The following NNT variants were observed in gnomAD, a reference collection of about 807,000 sequenced individuals.
NNT encodes nicotinamide nucleotide transhydrogenase.
A neutral mutation model predicts 104.8 loss-of-function variants in NNT; 50 were observed. The observed-to-expected ratio is 0.48, with a 90% CI of 0.38 to 0.60. The LOEUF (loss-of-function observed/expected upper bound fraction) is 0.60. Ranked by LOEUF, NNT falls within the 20% of genes least tolerant of loss-of-function variation. The pLI, the probability that NNT is intolerant of heterozygous loss-of-function variation, is 0.00. For synonymous variants in NNT, 461 were observed against 490.4 expected (o/e 0.94, Z 0.79); for missense variants, 1,131 against 1,330.7 (o/e 0.85, Z 2.33).
At position 43,644,785 on chromosome 5, in the gene NNT, G is replaced by A; in HGVS notation, c.1273G>A (p.Gly425Arg). The A allele has an allele frequency of 6.2e-7, 1 of 1,613,362 alleles. No homozygotes were observed. Among genetic ancestry groups the A allele is most frequent in the Non-Finnish European group, 8.5e-7 (1 of 1,179,442 alleles). Residue 425 changes from glycine to arginine, a missense_variant, in exon 9 of 22, where the codon GGA becomes AGA. Coordinates refer to ENST00000344920, the MANE Select transcript of NNT (RefSeq NM_182977.3). ...TGGTACGATGGGTCATGTCATTAGA[G>A]GAACTGTAGTGATGAAAGTAAGTAA... Reference protein sequence around the residue: ...DFGTMGHVIRGTVVMKDGKVI... With the variant: ...DFGTMGHVIRRTVVMKDGKVI...
intron 1 of NNT, among the ~76,000 whole-genome samples, chr5:43,603,937 A>G (rs1417077298): frequency 1.3e-5 from 2 of 152,158 alleles, no homozygotes; most frequent in Non-Finnish European, 2.9e-5. Flanking sequence ...GGGCAGAGCT[A>G]GTTCAAACTC....
intron 8 of NNT, 130 bp downstream of exon 8, chr5:43,644,455 G>A: frequency 8.0e-7 from 1 of 1,249,218 alleles, no homozygotes; most frequent in Non-Finnish European, 1.1e-6. Flanking sequence ...CATATTTAAA[G>A]CTCCTGTTGA....
chr5:43,605,464 C>T (rs1307392653), intron 1 of NNT, among the ~76,000 whole-genome samples: 4 of 126,830 alleles, frequency 3.2e-5, no homozygotes, highest in Admixed American at 9.9e-5. Flanking sequence ...TGCAGTGAGC[C>T]GAGATTGCGC....
At chr5:43,629,516 T>C (rs563724592) in intron 7 of NNT, among the ~76,000 whole-genome samples, 2 of 152,330 alleles carry the variant, frequency 1.3e-5, no homozygotes, top group South Asian at 2.1e-4. Context: ...CTGAATCAAA[T>C]GGTAGTTCTA....
At chr5:43,636,290 A>G (rs939558577) in intron 7 of NNT, among the ~76,000 whole-genome samples, 9 of 152,180 alleles carry the variant, frequency 5.9e-5, no homozygotes, top group African/African-American at 2.2e-4. Context: ...GACTTTTGCA[A>G]TAAAAGTCCA....
At chr5:43,690,114 C>T (rs1423869165) in intron 19 of NNT, among the ~76,000 whole-genome samples, 2 of 152,012 alleles carry the variant, frequency 1.3e-5, no homozygotes, top group Admixed American at 1.3e-4. Flanking sequence ...TCGAGGAAAA[C>T]CCCCCTGGCC....
At chr5:43,625,861 T>A (rs1419301813) in intron 6 of NNT, among the ~76,000 whole-genome samples, 1 of 151,800 alleles carries the variant, frequency 6.6e-6, no homozygotes, top group African/African-American at 2.4e-5. Context: ...TCTCACTGCC[T>A]AGAGATTTTT....
intron 4 of NNT, 91 bp from the exon 5 acceptor site, chr5:43,618,941 C>A: frequency 1.4e-6 from 1 of 728,164 alleles, no homozygotes; most frequent in Non-Finnish European, 2.0e-6. Flanking sequence ...TATTCTTTGA[C>A]AAAACTTCAT....
At chr5:43,616,617 T>C (rs1371827937) in intron 4 of NNT, among the ~76,000 whole-genome samples, 1 of 152,236 alleles carries the variant, frequency 6.6e-6, no homozygotes, top group African/African-American at 2.4e-5. Flanking sequence ...AAGGTCAAGA[T>C]GGTAATAAGC....
intron 5 of NNT, among the ~76,000 whole-genome samples, chr5:43,622,505 C>G (rs978168590): frequency 6.6e-6 from 1 of 152,186 alleles, no homozygotes; most frequent in East Asian, 1.9e-4. Context: ...AAAGCTCAAG[C>G]GATCCTCCTG....
chr5:43,630,544 T>A (rs780417782), intron 7 of NNT, among the ~76,000 whole-genome samples: 1 of 152,258 alleles, frequency 6.6e-6, no homozygotes, highest in Non-Finnish European at 1.5e-5. Context: ...TCCTTTGACA[T>A]GTTTTCAGCC....
At position 43,704,336 on chromosome 5, in the gene NNT, C is replaced by G; in HGVS notation, c.3193C>G (p.Leu1065Val). ...PIFYKPNTAM[L>V]LGDAKKTCDA... is the part of the protein sequence containing the mutation. ...CTTCTACAAACCTAACACGGCCATG[C>G]TTCTAGGTGATGCCAAGAAAACATG... The change falls in exon 22 of 22, where the codon CTT becomes GTT. Residue 1065 changes from leucine to valine, a missense_variant. Coordinates refer to ENST00000344920, the MANE Select transcript of NNT (RefSeq NM_182977.3). The G allele has an allele frequency of 6.2e-7, 1 of 1,613,496 alleles. No individual in the cohort carries two copies. The highest frequency in any genetic ancestry group is 8.5e-7 in the Non-Finnish European group (1 of 1,179,658).
chr5:43,686,412 T>C (rs1291538758), intron 19 of NNT, among the ~76,000 whole-genome samples: 1 of 152,114 alleles, frequency 6.6e-6, no homozygotes, highest in African/African-American at 2.4e-5. Context: ...ATGTTAGTTT[T>C]GTTCAAGTTT....
At chr5:43,683,164 G>A (rs747460294) in intron 19 of NNT, among the ~76,000 whole-genome samples, 3 of 152,226 alleles carry the variant, frequency 2.0e-5, no homozygotes, top group Non-Finnish European at 4.4e-5. Context: ...TAGTGGGTAT[G>A]GGTTATTCGT....
Position 43,670,440 on chromosome 5 carries a change from C to T in NNT, c.2635-5071C>T, listed in dbSNP as rs532077658. On this transcript the variant is annotated intron_variant, in intron 17 of 21. Coordinates refer to ENST00000344920, the MANE Select transcript of NNT (RefSeq NM_182977.3). ...ATTTAGTGCTATAAATTTCCCTCTA[C>T]GCACTGCTTTGAATGTGTCCCAGAG... Among the ~76,000 whole-genome samples, 25 of 152,286 alleles carry T rather than the reference C, an allele frequency of 1.6e-4. 1 individual carries two copies. The highest frequency in any genetic ancestry group is 4.6e-4 in the African/African-American group (19 of 41,546).
chr5:43,605,689 T>C (rs1749185044), intron 1 of NNT, among the ~76,000 whole-genome samples: 1 of 152,222 alleles, frequency 6.6e-6, no homozygotes, highest in South Asian at 2.1e-4. Context: ...TATTATCTTT[T>C]GTATAAACCT....
Position 43,673,782 on chromosome 5 carries a change from G to C in NNT, c.2635-1729G>C, listed in dbSNP as rs1741261060. Among the ~76,000 whole-genome samples, 3 of 152,174 alleles carry C rather than the reference G, an allele frequency of 2.0e-5. No homozygotes were observed. In the South Asian group the frequency reaches 6.2e-4, roughly 32 times the overall value. On this transcript the variant is annotated intron_variant, in intron 17 of 21. Transcript: ENST00000344920. ...TCATGTAATCCCAGCACTTTGGGAGGCCGAGGCAGGCAGATCACTTGTGGT... is the reference window on the plus strand; with the variant it reads ...TCATGTAATCCCAGCACTTTGGGAGCCCGAGGCAGGCAGATCACTTGTGGT...
chr5:43,674,449 T>C (rs1741300188), intron 17 of NNT, among the ~76,000 whole-genome samples: 1 of 152,198 alleles, frequency 6.6e-6, no homozygotes, highest in Non-Finnish European at 1.5e-5. Context: ...TTTTTAATAC[T>C]AAAGTGTTGT....
intron 9 of NNT, 79 bp from the exon 10 acceptor site, chr5:43,645,277 TA>T (rs1739325415): frequency 7.2e-6 from 6 of 830,296 alleles, no homozygotes; most frequent in Non-Finnish European, 1.0e-5. Context: ...AACAGGGTTT[TA>T]AAAAATAGTA....
Sources: gnomAD v4.1 joint callset for allele counts (sites outside exome capture counted in the v4.1 genomes callset) on GRCh38, gnomAD v4.1.1 for gene constraint, MANE v1.5 for transcripts, NCBI Gene and HGNC (gene_info 2026-07-23, HGNC 2026-07-21) for gene names.